The following CHM variants were observed in gnomAD, a reference collection of about 807,000 sequenced individuals.
CHM encodes the protein rab proteins geranylgeranyltransferase component A 1.
CHM carries 10 observed loss-of-function variants against 49.0 expected under a neutral mutation model. The observed-to-expected ratio is 0.20, with a 90% CI of 0.13 to 0.35. The LOEUF is 0.35. Ranked by LOEUF, CHM falls within the 10% of genes least tolerant of loss-of-function variation. The pLI is 1.00. For missense variants in CHM, 455 were observed against 478.4 expected, an observed-to-expected ratio of 0.95 and a Z score of 0.46; for synonymous variants, 184 against 167.5, an observed-to-expected ratio of 1.10 and a Z score of -0.76.
rs780221724 is a variant in CHM, at chrX:85,938,517, A to G, written c.1166+17636T>C. Reference sequence around the variant, plus strand: ...ATTTAGTAAAGACAGTTCTCAATTGAGATAGTATATCTCAGTGGTTCCTAA... The same window carrying G: ...ATTTAGTAAAGACAGTTCTCAATTGGGATAGTATATCTCAGTGGTTCCTAA... On this transcript the variant is annotated intron_variant, in intron 8 of 14. Transcript: ENST00000357749. Among the ~76,000 whole-genome samples, 67 of 107,892 alleles carry G rather than the reference A, an allele frequency of 6.2e-4. 1 individual carries two copies. The highest frequency in any genetic ancestry group is 2.2e-3 in the African/African-American group (66 of 29,620). The allele number at this position is 107,892 out of a possible 115,157, so 93.7% of individuals were successfully genotyped here. A position where few individuals can be genotyped will look rare whatever the true frequency, so the allele number is the denominator to read the frequency against.
intron 2 of CHM, among the ~76,000 whole-genome samples, chrX:85,986,475 C>T (rs999382744): frequency 9.0e-5 from 10 of 111,353 alleles, no homozygotes; most frequent in African/African-American, 3.3e-4. Context: ...CGGAGGCACA[C>T]AACCAAGCAA....
chrX:85,923,052 G>T (rs1442849908), intron 8 of CHM, among the ~76,000 whole-genome samples: 1 of 111,790 alleles, frequency 8.9e-6, no homozygotes, highest in Non-Finnish European at 1.9e-5. Flanking sequence ...CTTTAGTAAT[G>T]ATGTGCAAAT....
chrX:86,044,551 T>C (rs1232554584), intron 1 of CHM, among the ~76,000 whole-genome samples: 1 of 112,232 alleles, frequency 8.9e-6, no homozygotes, highest in Non-Finnish European at 1.9e-5. Context: ...TCTGTTGAGT[T>C]CTTGGCTCTG....
At chrX:85,988,883 A>T (rs980707235) in intron 2 of CHM, among the ~76,000 whole-genome samples, 2 of 112,256 alleles carry the variant, frequency 1.8e-5, no homozygotes, top group Non-Finnish European at 3.8e-5. Flanking sequence ...TCCCATGCTC[A>T]TGAATAGGAA....
At chrX:85,967,401 A>G (rs2147682734) in intron 4 of CHM, among the ~76,000 whole-genome samples, 1 of 112,334 alleles carries the variant, frequency 8.9e-6, no homozygotes, top group South Asian at 3.7e-4. Context: ...ATGTAGCTGC[A>G]TTATAAGCCT....
intron 2 of CHM, among the ~76,000 whole-genome samples, chrX:86,011,531 C>T (rs1218119707): frequency 8.9e-6 from 1 of 111,761 alleles, no homozygotes; most frequent in Admixed American, 9.5e-5. Flanking sequence ...CTAATTTATA[C>T]TACTCACATA....
At chrX:86,021,079 CACACATATATAT>C (rs1351119939) in intron 2 of CHM, among the ~76,000 whole-genome samples, 42 of 91,596 alleles carry the variant, frequency 4.6e-4, no homozygotes, top group African/African-American at 1.5e-3. Flanking sequence ...CATATATATA[CACACATATATAT>C]ACACATATAT....
intron 11 of CHM, among the ~76,000 whole-genome samples, chrX:85,894,599 A>C (rs1183313998): frequency 9.0e-6 from 1 of 111,538 alleles, no homozygotes; most frequent in East Asian, 2.8e-4. Flanking sequence ...AAAATCCAAA[A>C]TTTAGCACCG....
chrX:85,901,690 G>C (rs1373670381), intron 9 of CHM, among the ~76,000 whole-genome samples: 2 of 111,824 alleles, frequency 1.8e-5, no homozygotes, highest in East Asian at 5.6e-4. Flanking sequence ...TAGCTATATG[G>C]TCACGTGTTG....
At chrX:85,871,769 G>A (rs920376029) in intron 14 of CHM, among the ~76,000 whole-genome samples, 3 of 111,407 alleles carry the variant, frequency 2.7e-5, no homozygotes, top group Non-Finnish European at 5.7e-5. Flanking sequence ...GCTTACATTA[G>A]TACTTGTATT....
intron 2 of CHM, among the ~76,000 whole-genome samples, chrX:86,026,097 A>ATTTTTTTTTTT (rs1398285252): frequency 6.6e-5 from 2 of 30,490 alleles, no homozygotes; most frequent in South Asian, 2.3e-3. Flanking sequence ...AAGGTAGCAG[A>ATTTTTTTTTTT]TTTTCTTTTT....
intron 2 of CHM, among the ~76,000 whole-genome samples, chrX:85,982,396 C>T (rs1931676384): frequency 8.9e-6 from 1 of 111,800 alleles, no homozygotes; most frequent in African/African-American, 3.3e-5. Context: ...TACTGGGAAA[C>T]AGTTATTCAC....
chrX:85,890,887 G>A (rs5967642), intron 12 of CHM, among the ~76,000 whole-genome samples: 8,899 of 111,250 alleles, frequency 0.08, 786 homozygotes, highest in African/African-American at 0.26. Context: ...GGAACCTCCT[G>A]GAGACCTGTT....
At chrX:85,961,856 C>A (rs968729364) in intron 5 of CHM, among the ~76,000 whole-genome samples, 1 of 110,758 alleles carries the variant, frequency 9.0e-6, no homozygotes, top group African/African-American at 3.3e-5. Flanking sequence ...ATGAAAATAC[C>A]CAGAAGTCTC....
At chrX:85,969,777 C>T (rs1930787489) in intron 4 of CHM, 2 of 111,538 alleles carry the variant, frequency 1.8e-5, no homozygotes, top group Admixed American at 1.9e-4. Flanking sequence ...TACTGCACAG[C>T]CATAAAAAAA....
At chrX:85,962,306 T>C (rs1342428592) in intron 5 of CHM, among the ~76,000 whole-genome samples, 1 of 112,293 alleles carries the variant, frequency 8.9e-6, no homozygotes, top group African/African-American at 3.2e-5. Flanking sequence ...GAAAAAATGC[T>C]AGATTTCAAA....
chrX:85,919,315 A>G (rs1272236605), intron 8 of CHM, among the ~76,000 whole-genome samples: 1 of 111,908 alleles, frequency 8.9e-6, no homozygotes, highest in Non-Finnish European at 1.9e-5. Flanking sequence ...AGCCTAAATA[A>G]TCCACTTAAC....
intron 12 of CHM, among the ~76,000 whole-genome samples, chrX:85,883,915 C>T (rs188937031): frequency 2.7e-5 from 3 of 109,667 alleles, no homozygotes; most frequent in South Asian, 3.8e-4. Flanking sequence ...TTAGTATGTA[C>T]GAAAAAAATT....
intron 14 of CHM, 52 bp downstream of exon 14, chrX:85,873,000 C>T (rs752013455): frequency 8.0e-5 from 91 of 1,131,309 alleles, no homozygotes; most frequent in Non-Finnish European, 1.0e-4. Context: ...AAAAATATTT[C>T]CCAACCACAC....
Sources: gnomAD v4.1 joint callset for allele counts (sites outside exome capture counted in the v4.1 genomes callset) on GRCh38, gnomAD v4.1.1 for gene constraint, MANE v1.5 for transcripts, NCBI Gene and HGNC (gene_info 2026-07-23, HGNC 2026-07-21) for gene names.